ANKRD36C: variants seen among roughly 807,000 people sequenced by gnomAD.
ANKRD36C encodes the protein ankyrin repeat domain 36C, also known as ankyrin repeat domain-containing protein 36C.
Under a neutral mutation model 276.4 loss-of-function variants are expected in ANKRD36C, and 61 were observed. The ratio of observed to expected loss-of-function variants is 0.22; its 90% confidence interval spans 0.18 to 0.27. The LOEUF is 0.27. Ranked by LOEUF, ANKRD36C falls within the 10% of genes least tolerant of loss-of-function variation. The probability of loss-of-function intolerance (pLI) is 1.00; values close to 1 mark genes in which losing one functional copy is unlikely to be tolerated. For missense variants in ANKRD36C, 1,447 were observed against 2,032.3 expected (o/e 0.71, Z 5.54); for synonymous variants, 483 against 680.1 (o/e 0.71, Z 4.51).
intron 17 of ANKRD36C, among the ~76,000 whole-genome samples, chr2:95,945,955 TA>T (rs1427125043): frequency 6.6e-6 from 1 of 152,190 alleles, no homozygotes; most frequent in East Asian, 1.9e-4. Context: ...AATATCAGCT[TA>T]AAAGAAAAGC....
intron 19 of ANKRD36C, among the ~76,000 whole-genome samples, chr2:95,941,769 T>C (rs866764090): frequency 6.6e-6 from 1 of 152,310 alleles, no homozygotes; most frequent in Non-Finnish European, 1.5e-5. Context: ...AAAGTAAACA[T>C]GTTTAAGAAA....
chr2:95,871,602 C>A (rs1487620310), intron 59 of ANKRD36C, among the ~76,000 whole-genome samples: 1 of 151,952 alleles, frequency 6.6e-6, no homozygotes, highest in Admixed American at 6.6e-5. Context: ...GAAGAAACTG[C>A]ATTAACTAAT....
At chr2:95,893,793 G>A in intron 44 of ANKRD36C, 69 bp from the exon 63 acceptor site, 1 of 1,598,824 alleles carries the variant, frequency 6.3e-7, no homozygotes, top group Non-Finnish European at 8.5e-7. Flanking sequence ...GATTCATGCA[G>A]AGTTAGCATC....
intron 40 of ANKRD36C, among the ~76,000 whole-genome samples, chr2:95,913,704 C>T (rs1193939328): frequency 6.6e-6 from 1 of 151,386 alleles, no homozygotes. Context: ...CCTTAGTTCT[C>T]CTACAGTGTC....
chr2:95,875,387 G>A (rs1383334598), intron 59 of ANKRD36C, among the ~76,000 whole-genome samples: 12 of 151,590 alleles, frequency 7.9e-5, no homozygotes, highest in Admixed American at 7.2e-4. Context: ...GTAGGGACAT[G>A]GATGAAATTG....
intron 40 of ANKRD36C, among the ~76,000 whole-genome samples, chr2:95,913,069 T>A (rs2104401874): frequency 6.7e-6 from 1 of 149,818 alleles, no homozygotes; most frequent in East Asian, 2.0e-4. Flanking sequence ...AGTTTAGGCT[T>A]CCGAAAGTTT....
chr2:95,962,583 T>C, intron 6 of ANKRD36C, 36 bp from the exon 7 acceptor site: 1 of 1,596,054 alleles, frequency 6.3e-7, no homozygotes, highest in Non-Finnish European at 8.5e-7. Flanking sequence ...CAATCATAGG[T>C]AAATATGATA....
At chr2:95,978,042 C>CT (rs902305325) in intron 6 of ANKRD36C, 80 bp downstream of exon 6, 27 of 475,674 alleles carry the variant, frequency 5.7e-5, no homozygotes, top group Non-Finnish European at 8.6e-5. Flanking sequence ...TTTTAAACTG[C>CT]TTTTTTGTAA....
chr2:95,879,928 C>T (rs1289554657), intron 58 of ANKRD36C, among the ~76,000 whole-genome samples: 4 of 143,246 alleles, frequency 2.8e-5, no homozygotes, highest in South Asian at 2.4e-4. Flanking sequence ...CACCTGTAAT[C>T]CCAGCACTTT....
intron 14 of ANKRD36C, among the ~76,000 whole-genome samples, chr2:95,952,895 T>C (rs923902693): frequency 1.3e-5 from 2 of 152,278 alleles, no homozygotes; most frequent in Non-Finnish European, 2.9e-5. Flanking sequence ...AACATACAAA[T>C]AGGTTTTCTA....
At chr2:95,852,131 T>C (rs775758181) in exon 65 of ANKRD36C, 126 of 1,608,062 alleles carry the variant, frequency 7.8e-5, no homozygotes, top group Non-Finnish European at 8.5e-5. Flanking sequence ...TTTACTTTTG[T>C]GCGTCGCCTT....
At chr2:95,959,146 G>A (rs1197571432) in intron 10 of ANKRD36C, among the ~76,000 whole-genome samples, 1 of 152,286 alleles carries the variant, frequency 6.6e-6, no homozygotes, top group African/African-American at 2.4e-5. Flanking sequence ...GGTGATTAAT[G>A]CTCCTGCATG....
rs1229037363 is a variant in ANKRD36C at position 95,974,781 on chromosome 2, C to A, written c.799+3341G>T. On this transcript the variant is annotated intron_variant, in intron 6 of 66. Transcript: ENST00000456556. ...CCTCATCATTTAGCATTAGGTAGAT[C>A]TCCTAATGCTATCCCTCCCCCCTCC... 3.3e-5 allele frequency among the ~76,000 whole-genome samples: 5 copies of A among 150,504 alleles called. No individual in the cohort carries two copies. In the East Asian group the frequency reaches 9.8e-4, roughly 30 times the overall value.
intron 60 of ANKRD36C, among the ~76,000 whole-genome samples, chr2:95,860,999 C>G (rs1380428828): frequency 2.0e-5 from 3 of 152,128 alleles, no homozygotes; most frequent in Non-Finnish European, 4.4e-5. Flanking sequence ...GGGGTTCACA[C>G]AATGACTGGA....
intron 3 of ANKRD36C, among the ~76,000 whole-genome samples, chr2:95,983,508 G>T (rs1399856617): frequency 6.6e-6 from 1 of 151,336 alleles, no homozygotes; most frequent in Non-Finnish European, 1.5e-5. Flanking sequence ...AAACACAATG[G>T]CTTATCAATT....
intron 22 of ANKRD36C, among the ~76,000 whole-genome samples, chr2:95,936,447 C>G (rs1034635132): frequency 1.3e-5 from 2 of 152,258 alleles, no homozygotes; most frequent in African/African-American, 4.8e-5. Flanking sequence ...TCACATTTTG[C>G]TAACATGAAG....
At chr2:95,976,657 A>G (rs1196795708) in intron 6 of ANKRD36C, among the ~76,000 whole-genome samples, 3 of 152,150 alleles carry the variant, frequency 2.0e-5, no homozygotes, top group African/African-American at 7.2e-5. Flanking sequence ...CAGTTACAAA[A>G]GGGTTACGCA....
chr2:95,918,965 C>G (rs2104417662), intron 34 of ANKRD36C, among the ~76,000 whole-genome samples: 1 of 129,714 alleles, frequency 7.7e-6, no homozygotes, highest in African/African-American at 2.6e-5. Context: ...CAAGAGGTAG[C>G]TCCTGGAACA....
At chr2:95,854,677 G>T (rs1416545163) in intron 63 of ANKRD36C, among the ~76,000 whole-genome samples, 5 of 152,216 alleles carry the variant, frequency 3.3e-5, no homozygotes, top group Non-Finnish European at 5.9e-5. Flanking sequence ...TATAATAGAA[G>T]TAAAATTAGA....
Sources: gnomAD v4.1 joint callset for allele counts (sites outside exome capture counted in the v4.1 genomes callset) on GRCh38, gnomAD v4.1.1 for gene constraint, MANE v1.5 for transcripts, NCBI Gene and HGNC (gene_info 2026-07-23, HGNC 2026-07-21) for gene names.